KIFC3: variants seen among roughly 807,000 people sequenced by gnomAD.
KIFC3 encodes kinesin-like protein KIFC3.
In KIFC3, 60 loss-of-function variants were observed where a neutral mutation model predicts 101.8. That is an observed-to-expected ratio of 0.59 (90% CI 0.48 to 0.73). The LOEUF (loss-of-function observed/expected upper bound fraction) is 0.73, where lower values mean the gene tolerates loss of function less well. KIFC3 is among the 30% of genes least tolerant of loss of function. The probability of loss-of-function intolerance (pLI) is 0.00; values close to 1 mark genes in which losing one functional copy is unlikely to be tolerated. For missense variants in KIFC3, 966 were observed against 1,137.1 expected, an observed-to-expected ratio of 0.85 and a Z score of 2.16; for synonymous variants, 476 against 482.7, an observed-to-expected ratio of 0.99 and a Z score of 0.18.
At position 57,762,189 on chromosome 16, in the gene KIFC3, C is replaced by G; in HGVS notation, c.1699G>C (p.Glu567Gln). 1.2e-6 allele frequency: 2 copies of G among 1,611,360 alleles called. No individual in the cohort carries two copies. The highest frequency in any genetic ancestry group is 1.7e-6 in the Non-Finnish European group (2 of 1,179,406). The change falls in exon 13 of 20, where the codon GAG (glutamate) becomes CAG (glutamine). Residue 567 changes from glutamate (E) to glutamine (Q), a missense_variant. By Grantham distance (29) the Glu-to-Gln change is conservative (BLOSUM62 2). Transcript: ENST00000445690. ...SEVQEKASDW[E>Q]YTITVSAAEI... ...GCAGCGCTGACGGTGATGGTGTACTCCCAGTCAGACGCCTTCTCCTGCACC... is the reference window on the plus strand; with the variant it reads ...GCAGCGCTGACGGTGATGGTGTACTGCCAGTCAGACGCCTTCTCCTGCACC...
chr16:57,823,830 C>T (rs886084731), intron 1 of KIFC3, among the ~76,000 whole-genome samples: 10 of 145,712 alleles, frequency 6.9e-5, no homozygotes, highest in Non-Finnish European at 1.1e-4. Context: ...TGTTTCACCA[C>T]GTTGGCCAGG....
chr16:57,776,407 A>G (rs1555611872), intron 3 of KIFC3: 2 of 984,512 alleles, frequency 2.0e-6, no homozygotes, highest in Non-Finnish European at 2.4e-6. Context: ...TCCTTCCGCC[A>G]CTGATGGGCA....
chr16:57,811,375 C>T (rs1241218649), intron 1 of KIFC3, among the ~76,000 whole-genome samples: 1 of 151,828 alleles, frequency 6.6e-6, no homozygotes, highest in East Asian at 1.9e-4. Context: ...TCAGTAAAGC[C>T]GTTTAAGAGA....
intron 1 of KIFC3, among the ~76,000 whole-genome samples, chr16:57,848,465 A>G (rs1011835990): frequency 6.6e-6 from 1 of 152,256 alleles, no homozygotes; most frequent in South Asian, 2.1e-4. Flanking sequence ...CATCTCTACA[A>G]AAAATTCTAA....
rs142120950 is a variant in KIFC3 at position 57,776,179 on chromosome 16, G to A, written c.316-3891C>T. The A allele has an allele frequency of 2.4e-3, 2,377 of 985,418 alleles. 9 individuals carry two copies. The highest frequency in any genetic ancestry group is 2.7e-3 in the Non-Finnish European group (2,253 of 829,940). 61.0% of individuals were successfully genotyped at this position (985,418 alleles called of 1,614,324 possible). ...CATCAGCTGTCTGCTGAGGAAAAGC[G>A]GGCTCTCCCAGGCTGAAGCTGCTGA... On this transcript the variant is annotated intron_variant, in intron 3 of 19. Coordinates refer to ENST00000445690, the MANE Select transcript of KIFC3 (RefSeq NM_001130100.2).
intron 1 of KIFC3, among the ~76,000 whole-genome samples, chr16:57,825,359 T>C (rs2055436523): frequency 6.6e-6 from 1 of 152,076 alleles, no homozygotes; most frequent in African/African-American, 2.4e-5. Flanking sequence ...GAAAATGGGG[T>C]TTGCACATGG....
chr16:57,845,228 C>A (rs188649914), intron 1 of KIFC3, among the ~76,000 whole-genome samples: 12 of 152,302 alleles, frequency 7.9e-5, no homozygotes, highest in Admixed American at 5.9e-4. Context: ...CATGTTACAA[C>A]TCCTGCCGGC....
At chr16:57,835,781 C>T (rs914321904) in intron 1 of KIFC3, among the ~76,000 whole-genome samples, 8 of 152,150 alleles carry the variant, frequency 5.3e-5, no homozygotes, top group Non-Finnish European at 4.4e-5. Flanking sequence ...GAAACCCTGT[C>T]TCTACTAAAA....
chr16:57,779,119 A>G (rs1555613215), intron 3 of KIFC3, among the ~76,000 whole-genome samples: 2 of 152,222 alleles, frequency 1.3e-5, no homozygotes, highest in Non-Finnish European at 2.9e-5. Context: ...GTTCAAAGAG[A>G]TACTTGTACA....
In KIFC3 at chr16:57,762,133, C is replaced by T. The variant is rs557930392; in HGVS notation, c.1748+7G>A. On this transcript the variant is annotated splice_region_variant and intron_variant, in intron 13 of 19. Coordinates refer to ENST00000445690, the MANE Select transcript of KIFC3 (RefSeq NM_001130100.2). ...GAGGCCTGCTCCGCACACCCTGGGGCTCCCACCTGAGGACCTCATTGTAGA... is the reference window on the plus strand; with the variant it reads ...GAGGCCTGCTCCGCACACCCTGGGGTTCCCACCTGAGGACCTCATTGTAGA... 3 of 1,590,796 alleles carry T rather than the reference C, an allele frequency of 1.9e-6. No homozygotes were observed. The highest frequency in any genetic ancestry group is 1.3e-5 in the African/African-American group (1 of 74,646).
At chr16:57,832,004 T>TTTTTG (rs1213603286) in intron 1 of KIFC3, among the ~76,000 whole-genome samples, 3 of 151,194 alleles carry the variant, frequency 2.0e-5, no homozygotes, top group Non-Finnish European at 2.9e-5. Flanking sequence ...CAAGGTGAAT[T>TTTTTG]TTTTGTTTTG....
chr16:57,799,106 G>C lies in KIFC3; in HGVS notation c.-39-824C>G, dbSNP rs188518037. ...CACCAGGTGGTGTGGGGAATGGAGG[G>C]GGGCAGAGAGCATTGGTCAGGGATA... is the stretch of plus-strand genomic sequence containing the variant. On this transcript the variant is annotated intron_variant, in intron 1 of 19. Coordinates refer to ENST00000445690, the MANE Select transcript of KIFC3 (RefSeq NM_001130100.2). Among the ~76,000 whole-genome samples, 155 of 152,334 alleles carry C rather than the reference G, an allele frequency of 1.0e-3. 1 individual carries two copies. The highest frequency in any genetic ancestry group is 3.6e-3 in the African/African-American group (150 of 41,564).
At chr16:57,860,885 T>A (rs995614019) in intron 1 of KIFC3, among the ~76,000 whole-genome samples, 1 of 152,062 alleles carries the variant, frequency 6.6e-6, no homozygotes, top group Non-Finnish European at 1.5e-5. Flanking sequence ...CTAATTTTTA[T>A]ATCTTTTGTA....
rs542476459 is a variant in KIFC3, at chr16:57,823,761, TTGTGTGTGTGTGTGTG to T, written c.109-25495_109-25480del. 1.8e-4 allele frequency among the ~76,000 whole-genome samples: 24 copies of T among 136,716 alleles called. 1 individual carries two copies. In the South Asian group the frequency reaches 3.5e-3, roughly 20 times the overall value. The allele number at this position is 136,716 out of a possible 152,430, so 89.7% of individuals were successfully genotyped here. On this transcript the variant is annotated intron_variant, in intron 1 of 2. Transcript: ENST00000563028. Reference sequence around the variant, plus strand: ...GTGTGCACCACCACACCCGGCTACTTTGTGTGTGTGTGTGTGTGTGTGTGTGTGTGTGTGTGTGTGT... The same window carrying T: ...GTGTGCACCACCACACCCGGCTACTTTGTGTGTGTGTGTGTGTGTGTGTGT...
intron 3 of KIFC3, among the ~76,000 whole-genome samples, chr16:57,792,481 T>C (rs2053955388): frequency 6.6e-6 from 1 of 152,200 alleles, no homozygotes; most frequent in African/African-American, 2.4e-5. Context: ...AAGCTATCAC[T>C]GCATGAACAC....
At chr16:57,775,379 C>T in intron 3 of KIFC3, 1 of 1,079,670 alleles carries the variant, frequency 9.3e-7, no homozygotes, top group African/African-American at 1.6e-5. Context: ...GGCCAAGGCA[C>T]CAGTGGCCTG....
Position 57,759,148 on chromosome 16 carries a change from G to GT in KIFC3, c.2481dup. The stretch of plus-strand genomic sequence containing the variant: ...ACCTAGAGACTCTGCAGCCCCAGCC[G>GT]TCAGGCTGAAATCAAAGTGACAGGC... On this transcript the variant is annotated 3_prime_UTR_variant, in exon 19 of 20. Coordinates refer to ENST00000445690, the MANE Select transcript of KIFC3 (RefSeq NM_001130100.2). The GT allele has an allele frequency of 6.4e-7, 1 of 1,550,880 alleles. No individual in the cohort carries two copies. The highest frequency in any genetic ancestry group is 1.4e-5 in the African/African-American group (1 of 73,192).
chr16:57,857,964 C>T (rs1427487758), intron 1 of KIFC3, among the ~76,000 whole-genome samples: 3 of 151,228 alleles, frequency 2.0e-5, no homozygotes, highest in Non-Finnish European at 4.4e-5. Flanking sequence ...GTAGCTGGCA[C>T]ATGCCACCCC....
rs961030101 is a variant in KIFC3 at position 57,813,941 on chromosome 16, C to T, written c.109-15659G>A. The T allele has an allele frequency of 9.0e-6, 7 of 776,048 alleles. No individual in the cohort carries two copies. In the African/African-American group the frequency reaches 1.3e-4, roughly 15 times the overall value. 48.1% of individuals were successfully genotyped at this position (776,048 alleles called of 1,614,324 possible). ...GGTAGGGGCTGTGCAGTCACTCCTG[C>T]TTATTCTTCCTGTACATCCCGCTAC... On this transcript the variant is annotated intron_variant, in intron 1 of 2. Coordinates refer to the KIFC3 transcript ENST00000563028.
Sources: gnomAD v4.1 joint callset for allele counts (sites outside exome capture counted in the v4.1 genomes callset) on GRCh38, gnomAD v4.1.1 for gene constraint, MANE v1.5 for transcripts, NCBI Gene and HGNC (gene_info 2026-07-23, HGNC 2026-07-21) for gene names.